SH3D19: variants seen among roughly 807,000 people sequenced by gnomAD.
SH3D19 encodes the protein SH3 domain containing 19.
Under a neutral mutation model 112.1 loss-of-function variants are expected in SH3D19, and 58 were observed. The observed-to-expected ratio is 0.52, with a 90% CI of 0.42 to 0.64. The LOEUF (loss-of-function observed/expected upper bound fraction) is 0.64, where lower values mean the gene tolerates loss of function less well. SH3D19 is among the 30% of genes least tolerant of loss of function. SH3D19 has a pLI of 0.00. For missense variants in SH3D19, 1,090 were observed against 1,263.4 expected (o/e 0.86, Z 2.08); for synonymous variants, 391 against 448.5 (o/e 0.87, Z 1.62).
intron 11 of SH3D19, among the ~76,000 whole-genome samples, chr4:151,147,531 G>T (rs374348057): frequency 6.6e-6 from 1 of 152,098 alleles, no homozygotes; most frequent in African/African-American, 2.4e-5. Context: ...GTGCAATCTT[G>T]GCTCACTGCA....
intron 1 of SH3D19, chr4:151,279,892 A>G (rs1238561800): frequency 4.3e-6 from 7 of 1,613,670 alleles, no homozygotes; most frequent in South Asian, 3.3e-5. Flanking sequence ...TTTGACCACA[A>G]CTTTATCTGT....
At chr4:151,321,750 A>G (rs1730553131) in intron 1 of SH3D19, among the ~76,000 whole-genome samples, 1 of 152,234 alleles carries the variant, frequency 6.6e-6, no homozygotes, top group South Asian at 2.1e-4. Flanking sequence ...TTATCTGGGA[A>G]TGTGTCAAAA....
intron 1 of SH3D19, among the ~76,000 whole-genome samples, chr4:151,279,603 A>G (rs1375894148): frequency 3.9e-5 from 6 of 152,214 alleles, no homozygotes; most frequent in African/African-American, 1.4e-4. Flanking sequence ...AAAAAGAAAG[A>G]GCTACAATCA....
intron 1 of SH3D19, among the ~76,000 whole-genome samples, chr4:151,255,275 C>A (rs1223603588): frequency 7.0e-6 from 1 of 142,294 alleles, no homozygotes; most frequent in East Asian, 2.3e-4. Flanking sequence ...TCAGACGGGG[C>A]GGTTGCCGGG....
intron 19 of SH3D19, among the ~76,000 whole-genome samples, chr4:151,126,620 C>G (rs543606017): frequency 4.0e-5 from 6 of 151,502 alleles, no homozygotes; most frequent in Non-Finnish European, 7.4e-5. Flanking sequence ...ATGGTGAAAC[C>G]TCGTCTCTAC....
intron 1 of SH3D19, among the ~76,000 whole-genome samples, chr4:151,304,959 T>TAAAACAAAACAAAAC (rs139381170): frequency 6.6e-6 from 1 of 151,994 alleles, no homozygotes; most frequent in African/African-American, 2.4e-5. Flanking sequence ...GTTCTAGGCA[T>TAAAACAAAACAAAAC]AAAACAAAAC....
Position 151,175,009 on chromosome 4 carries a change from T to C in SH3D19, c.1195A>G (p.Ile399Val), listed in dbSNP as rs1420722760. The C allele has an allele frequency of 8.1e-6, 13 of 1,614,222 alleles. No homozygotes were observed. Among genetic ancestry groups the C allele is most frequent in the Non-Finnish European group, 1.1e-5 (13 of 1,180,032 alleles). ...TCAGCCAGGGGCCCTCTTCCCGGAA[T>C]CTCAGGATTAACACTTCGTATAAGG... is the stretch of plus-strand genomic sequence containing the variant. ...PGLIRSVNPE[I>V]PGRGPLAESS... The change falls in exon 7 of 20, where the codon ATT becomes GTT. Residue 399 changes from isoleucine (I) to valine (V), a missense_variant. Coordinates refer to ENST00000604030, the MANE Select transcript of SH3D19 (RefSeq NM_001378122.1).
chr4:151,225,633 T>G (rs1330251867), intron 2 of SH3D19, among the ~76,000 whole-genome samples: 1 of 152,224 alleles, frequency 6.6e-6, no homozygotes, highest in East Asian at 1.9e-4. Context: ...GGTTTTGTTT[T>G]GTTCTGCTTT....
intron 1 of SH3D19, among the ~76,000 whole-genome samples, chr4:151,306,206 T>C (rs1015535782): frequency 6.6e-6 from 1 of 152,188 alleles, no homozygotes; most frequent in South Asian, 2.1e-4. Context: ...ACTATGGTAG[T>C]TGCCACAAGA....
intron 2 of SH3D19, among the ~76,000 whole-genome samples, chr4:151,222,719 C>T (rs1208764863): frequency 2.4e-5 from 3 of 126,170 alleles, no homozygotes; most frequent in Non-Finnish European, 4.7e-5. Flanking sequence ...GTTGCCCAGA[C>T]TGGAGCGCAG....
chr4:151,210,122 T>TAATTTGAA (rs1561347620), intron 2 of SH3D19, among the ~76,000 whole-genome samples: 1 of 152,180 alleles, frequency 6.6e-6, no homozygotes, highest in African/African-American at 2.4e-5. Context: ...AATTTGGTAG[T>TAATTTGAA]ATATATGAAA....
intron 1 of SH3D19, among the ~76,000 whole-genome samples, chr4:151,236,325 G>GCA (rs1374711519): frequency 6.6e-6 from 1 of 152,272 alleles, no homozygotes; most frequent in Non-Finnish European, 1.5e-5. Context: ...CCCGCACTTG[G>GCA]CACAGCTGGC....
chr4:151,272,350 C>T lies in SH3D19; in HGVS notation c.113-46264G>A, dbSNP rs559752881. 3.4e-4 allele frequency among the ~76,000 whole-genome samples: 51 copies of T among 152,106 alleles called. 1 individual carries two copies. In the South Asian group the frequency reaches 1.0e-2, roughly 30 times the overall value. On this transcript the variant is annotated intron_variant, in intron 1 of 19. Transcript: ENST00000604030. ...GGTAATACAGCCATACCCATGAAAA[C>T]GAAAGAATAGCACTGTGGGCTGAAA... is the stretch of plus-strand genomic sequence containing the variant.
At chr4:151,265,575 T>C (rs1033752768) in intron 1 of SH3D19, among the ~76,000 whole-genome samples, 175 of 144,848 alleles carry the variant, frequency 1.2e-3, no homozygotes, top group Middle Eastern at 3.5e-3. Context: ...TTTTCTTTTT[T>C]TTTTTTTTTT....
intron 3 of SH3D19, among the ~76,000 whole-genome samples, chr4:151,180,532 G>T (rs1422147898): frequency 1.3e-5 from 2 of 149,222 alleles, no homozygotes; most frequent in African/African-American, 2.5e-5. Context: ...TCATCTTCCA[G>T]AGTAGCTGGG....
chr4:151,128,548 C>G (rs1749924475), intron 17 of SH3D19, among the ~76,000 whole-genome samples, 192 bp from the exon 18 acceptor site: 1 of 152,044 alleles, frequency 6.6e-6, no homozygotes. Flanking sequence ...ATAATTTTTT[C>G]TTAAATTATA....
intron 6 of SH3D19, among the ~76,000 whole-genome samples, chr4:151,176,119 G>A (rs1029993766): frequency 2.0e-5 from 3 of 152,034 alleles, no homozygotes; most frequent in Non-Finnish European, 2.9e-5. Context: ...CAATCCACCC[G>A]CCTTAGTCTC....
chr4:151,144,237 C>T lies in SH3D19; in HGVS notation c.2083-187G>A, dbSNP rs367852829. 23 of 1,613,830 alleles carry T rather than the reference C, an allele frequency of 1.4e-5. No individual in the cohort carries two copies. Among genetic ancestry groups the T allele is most frequent in the African/African-American group, 4.0e-5 (3 of 74,886 alleles). ...TACTTTACCTTACAAGAGAGTTCTC[C>T]GGGGTTTTGAGAGACAATATCTTCA... On this transcript the variant is annotated intron_variant, in intron 11 of 19. Coordinates refer to ENST00000604030, the MANE Select transcript of SH3D19 (RefSeq NM_001378122.1).
intron 14 of SH3D19, 53 bp from the exon 15 acceptor site, chr4:151,135,185 GAT>G: frequency 1.4e-6 from 2 of 1,448,948 alleles, no homozygotes; most frequent in South Asian, 2.5e-5. Flanking sequence ...ATTTTCATAA[GAT>G]AAATTTAAGG....
Sources: gnomAD v4.1 joint callset for allele counts (sites outside exome capture counted in the v4.1 genomes callset) on GRCh38, gnomAD v4.1.1 for gene constraint, MANE v1.5 for transcripts, NCBI Gene and HGNC (gene_info 2026-07-23, HGNC 2026-07-21) for gene names.